Variants in ZNF823 observed in about 807,000 individuals in gnomAD.
The protein encoded by ZNF823 is zinc finger protein 823.
In ZNF823, 5 loss-of-function variants were observed where a neutral mutation model predicts 11.4. The observed-to-expected ratio is 0.44, with a 90% CI of 0.23 to 0.92. The LOEUF (loss-of-function observed/expected upper bound fraction) is 0.92, where lower values mean the gene tolerates loss of function less well. Among genes scored for constraint, ZNF823 ranks in the 40% least tolerant of loss-of-function variants. The pLI, the probability that ZNF823 is intolerant of heterozygous loss-of-function variation, is 0.24. For missense variants in ZNF823, 582 were observed against 738.5 expected (o/e 0.79, Z 2.46); for synonymous variants, 234 against 250.5 (o/e 0.93, Z 0.62).
intron 2 of ZNF823, 115 bp downstream of exon 2, chr19:11,725,086 G>T (rs917769110): frequency 9.5e-6 from 13 of 1,365,780 alleles, no homozygotes; most frequent in Non-Finnish European, 1.3e-5. Context: ...TCTAAACCCT[G>T]TGTTGTTCAA....
rs762068424 is a variant in ZNF823 at position 11,727,441 on chromosome 19, C to T, written c.4-2114G>A. Among the ~76,000 whole-genome samples, 82 of 151,912 alleles carry T rather than the reference C, an allele frequency of 5.4e-4. 1 individual carries two copies. The highest frequency in any genetic ancestry group is 8.2e-4 in the Non-Finnish European group (56 of 67,992). On this transcript the variant is annotated intron_variant, in intron 1 of 3. Coordinates refer to ENST00000341191, the MANE Select transcript of ZNF823 (RefSeq NM_001080493.4). ...AGGAGAATCGCTTGAACCTGGGAGGCGGATACTGCAATGAGCCAAGATCAT... is the reference window on the plus strand; with the variant it reads ...AGGAGAATCGCTTGAACCTGGGAGGTGGATACTGCAATGAGCCAAGATCAT...
At position 11,725,288 on chromosome 19, in the gene ZNF823, G is replaced by C; in HGVS notation, c.43C>G (p.Gln15Glu). 6.2e-7 allele frequency: 1 copy of C among 1,614,080 alleles called. No individual in the cohort carries two copies. The highest frequency in any genetic ancestry group is 8.5e-7 in the Non-Finnish European group (1 of 1,179,994). Residue 15 changes from glutamine to glutamate, a missense_variant, in exon 2 of 4, where the codon CAA becomes GAA. By Grantham distance (29) the Gln-to-Glu change is conservative (BLOSUM62 2). Coordinates refer to ENST00000341191, the MANE Select transcript of ZNF823 (RefSeq NM_001080493.4). ...GGACCCAGCAAAGCCCACTCCTCTT[G>C]TGTGAAGTTCACAGCCACATCTTCA... The part of the protein sequence containing the change: ...AFEDVAVNFT[Q>E]EEWALLGPSQ...
chr19:11,723,059 T>C lies in ZNF823; in HGVS notation c.475A>G (p.Thr159Ala). The C allele has an allele frequency of 6.2e-7, 1 of 1,614,182 alleles. No individual in the cohort carries two copies. Among genetic ancestry groups the C allele is most frequent in the Non-Finnish European group, 8.5e-7 (1 of 1,180,018 alleles). Residue 159 changes from threonine to alanine, a missense_variant, in exon 4 of 4, where the codon ACC becomes GCC. Thr to Ala is a moderately conservative substitution (Grantham distance 58). This residue lies in a region of ZNF823 where 429 missense variants were observed against 553.7 expected (regional missense o/e 0.77). Coordinates refer to ENST00000341191, the MANE Select transcript of ZNF823 (RefSeq NM_001080493.4). ...TTACAATCGAAGGGTTTCTTTCCGG[T>C]GGGGGGCCTTTCATGTGTCTGGAAG... Reference protein sequence around the residue: ...HSFQTHERPPTGKKPFDCKEC... With the variant: ...HSFQTHERPPAGKKPFDCKEC...
intron 1 of ZNF823, among the ~76,000 whole-genome samples, chr19:11,725,540 G>A (rs1417960522): frequency 6.6e-6 from 1 of 152,230 alleles, no homozygotes; most frequent in Non-Finnish European, 1.5e-5. Flanking sequence ...AGTCGAATAG[G>A]AACCTGCCTC....
At position 11,721,929 on chromosome 19, in the gene ZNF823, T is replaced by G; in HGVS notation, c.1605A>C (p.Ala535=). 6.2e-7 allele frequency: 1 copy of G among 1,613,646 alleles called. No individual in the cohort carries two copies. Among genetic ancestry groups the G allele is most frequent in the Non-Finnish European group, 8.5e-7 (1 of 1,179,878 alleles). ...KPYECKECGK[A]FSWLTCLLRH... is the part of the protein sequence containing the mutation. The stretch of plus-strand genomic sequence containing the variant: ...GTAGAAGGCAAGTGAGCCAAGAGAA[T>G]GCTTTTCCACATTCCTTACATTCAT... Residue 535 remains alanine (A), a synonymous_variant, in exon 4 of 4, where the codon GCA becomes GCC. Coordinates refer to ENST00000341191, the MANE Select transcript of ZNF823 (RefSeq NM_001080493.4).
At chr19:11,737,536 A>G (rs2145054822) in intron 1 of ZNF823, among the ~76,000 whole-genome samples, 1 of 148,022 alleles carries the variant, frequency 6.8e-6, no homozygotes, top group East Asian at 2.0e-4. Context: ...TGCTGGGATT[A>G]CAGGCGTGAG....
At chr19:11,737,433 T>A (rs1278747052) in intron 1 of ZNF823, among the ~76,000 whole-genome samples, 1 of 152,138 alleles carries the variant, frequency 6.6e-6, no homozygotes, top group East Asian at 1.9e-4. Context: ...CGGCTAATTT[T>A]GTATTTTTAG....
At chr19:11,728,215 T>G (rs577972013) in intron 1 of ZNF823, among the ~76,000 whole-genome samples, 1 of 152,178 alleles carries the variant, frequency 6.6e-6, no homozygotes, top group South Asian at 2.1e-4. Flanking sequence ...TGGAACCCAA[T>G]CAGGGTCAAA....
Position 11,721,737 on chromosome 19 carries a change from A to T in ZNF823, c.1797T>A (p.His599Gln). ...GKALSSLRSL[H>Q]RHKRTHWKDT... is the part of the protein sequence containing the mutation. ...CTTTCCAGTGAGTCCTTTTATGTCTATGCAAGGAACGGAGAGAACTCAATG... is the reference window on the plus strand; with the variant it reads ...CTTTCCAGTGAGTCCTTTTATGTCTTTGCAAGGAACGGAGAGAACTCAATG... Residue 599 changes from histidine (H) to glutamine (Q), a missense_variant, in exon 4 of 4, where the codon CAT (histidine) becomes CAA (glutamine). By Grantham distance (24) the His-to-Gln change is conservative. Around this residue, in one of 3 missense-constraint regions of ZNF823, gnomAD observed 144 missense variants for 154.3 expected, o/e 0.93. Transcript: ENST00000341191. The T allele has an allele frequency of 2.5e-6, 4 of 1,613,646 alleles. No homozygotes were observed. Among genetic ancestry groups the T allele is most frequent in the South Asian group, 1.1e-5 (1 of 91,022 alleles).
At chr19:11,724,153 C>A in intron 3 of ZNF823, 41 bp downstream of exon 3, 1 of 1,510,930 alleles carries the variant, frequency 6.6e-7, no homozygotes, top group African/African-American at 1.4e-5. Context: ...ATTCTATGAA[C>A]CACTGCAGGG....
At chr19:11,723,983 T>C (rs1377405744) in intron 3 of ZNF823, among the ~76,000 whole-genome samples, 1 of 152,216 alleles carries the variant, frequency 6.6e-6, no homozygotes, top group African/African-American at 2.4e-5. Flanking sequence ...CAGGCTGATC[T>C]CAAACTCCTA....
chr19:11,737,561 T>A (rs1394376498), intron 1 of ZNF823, among the ~76,000 whole-genome samples: 3 of 91,700 alleles, frequency 3.3e-5, no homozygotes, highest in Non-Finnish European at 6.7e-5. Flanking sequence ...CGCGCCCGGC[T>A]TTTTTTTTTT....
chr19:11,732,182 T>TTTTTTTTTTG, intron 1 of ZNF823, among the ~76,000 whole-genome samples: 4 of 150,508 alleles, frequency 2.7e-5, no homozygotes, highest in Admixed American at 6.6e-5. Context: ...TTTTTTTTTT[T>TTTTTTTTTTG]GAGATGGAGT....
intron 1 of ZNF823, among the ~76,000 whole-genome samples, chr19:11,726,791 C>T (rs1974799664): frequency 6.6e-6 from 1 of 152,108 alleles, no homozygotes; most frequent in South Asian, 2.1e-4. Context: ...TAACAAAAAC[C>T]AGACTAAGAC....
At chr19:11,728,801 A>C (rs1314437697) in intron 1 of ZNF823, among the ~76,000 whole-genome samples, 1 of 151,890 alleles carries the variant, frequency 6.6e-6, no homozygotes, top group East Asian at 1.9e-4. Flanking sequence ...ATATTAATCC[A>C]ATTATGTCAA....
chr19:11,733,008 A>G (rs1188787986), intron 1 of ZNF823, among the ~76,000 whole-genome samples: 1 of 152,188 alleles, frequency 6.6e-6, no homozygotes, highest in Non-Finnish European at 1.5e-5. Context: ...AGAGCTGGGA[A>G]TAACAAAACA....
At chr19:11,736,346 G>A (rs987437743) in intron 1 of ZNF823, among the ~76,000 whole-genome samples, 1 of 143,554 alleles carries the variant, frequency 7.0e-6, no homozygotes, top group East Asian at 2.0e-4. Context: ...GTGAAACCTC[G>A]TCTCTACTAA....
chr19:11,738,751 G>C, intron 1 of ZNF823, 66 bp downstream of exon 1: 2 of 1,540,948 alleles, frequency 1.3e-6, no homozygotes, highest in South Asian at 1.2e-5. Flanking sequence ...GTCCCCTCAC[G>C]GTCGGTTCCG....
chr19:11,723,929 G>A (rs759939343), intron 3 of ZNF823, among the ~76,000 whole-genome samples: 5 of 151,884 alleles, frequency 3.3e-5, no homozygotes, highest in African/African-American at 7.3e-5. Context: ...TATGTTCCTC[G>A]GGAAAATTTT....
Sources: allele counts gnomAD v4.1 joint callset (sites outside exome capture counted in the v4.1 genomes callset), GRCh38; gene constraint gnomAD v4.1.1; regional missense constraint gnomAD v4.1.1; transcripts MANE v1.5; gene names NCBI Gene and HGNC (gene_info 2026-07-23, HGNC 2026-07-21).